ABTB2: variants seen among roughly 807,000 people sequenced by gnomAD.
ABTB2 encodes ankyrin repeat and BTB domain containing 2, also known as ankyrin repeat and BTB/POZ domain-containing protein 2.
ABTB2 carries 56 observed loss-of-function variants against 104.1 expected under a neutral mutation model. That is an observed-to-expected ratio of 0.54 (90% confidence interval 0.43 to 0.67). ABTB2 has a LOEUF of 0.67. Among genes scored for constraint, ABTB2 ranks in the 30% least tolerant of loss-of-function variants. The pLI, the probability that ABTB2 is intolerant of heterozygous loss-of-function variation, is 0.00. For missense variants in ABTB2, 1,279 were observed against 1,407.7 expected (o/e 0.91, Z 1.46); for synonymous variants, 606 against 608.2 (o/e 1.00, Z 0.05).
intron 1 of ABTB2, among the ~76,000 whole-genome samples, chr11:34,284,476 C>T (rs528242057): frequency 2.0e-5 from 3 of 152,192 alleles, no homozygotes; most frequent in Non-Finnish European, 2.9e-5. Context: ...GCAGGCAGCA[C>T]CAAAGCTTCT....
intron 1 of ABTB2, among the ~76,000 whole-genome samples, chr11:34,291,088 G>A (rs1854561269): frequency 6.6e-6 from 1 of 152,222 alleles, no homozygotes; most frequent in Non-Finnish European, 1.5e-5. Flanking sequence ...GCACATATGG[G>A]GGAATGGGGT....
At chr11:34,276,133 C>A (rs952377227) in intron 1 of ABTB2, among the ~76,000 whole-genome samples, 5 of 151,508 alleles carry the variant, frequency 3.3e-5, no homozygotes, top group South Asian at 2.1e-4. Flanking sequence ...TTAGGGGGGA[C>A]TTCTAATGAT....
chr11:34,284,397 C>T (rs960977740), intron 1 of ABTB2, among the ~76,000 whole-genome samples: 1 of 152,222 alleles, frequency 6.6e-6, no homozygotes, highest in Non-Finnish European at 1.5e-5. Flanking sequence ...GAAGGATTGG[C>T]CCCAATGTCT....
intron 1 of ABTB2, among the ~76,000 whole-genome samples, chr11:34,209,353 T>C (rs1345155080): frequency 2.1e-5 from 3 of 143,310 alleles, no homozygotes; most frequent in Non-Finnish European, 4.7e-5. Flanking sequence ...AAAAAAAAAC[T>C]TTTTTTTTCC....
At chr11:34,274,581 G>A (rs918553069) in intron 1 of ABTB2, among the ~76,000 whole-genome samples, 25 of 107,662 alleles carry the variant, frequency 2.3e-4, no homozygotes, top group South Asian at 1.1e-3. Flanking sequence ...ACACACACAC[G>A]CGTGTGTGTG....
chr11:34,277,987 T>C (rs1375052555), intron 1 of ABTB2, among the ~76,000 whole-genome samples: 1 of 151,288 alleles, frequency 6.6e-6, no homozygotes, highest in African/African-American at 2.4e-5. Flanking sequence ...GTATTTTTAG[T>C]AGAGACAGGG....
At chr11:34,277,914 C>T (rs1854404030) in intron 1 of ABTB2, among the ~76,000 whole-genome samples, 2 of 146,450 alleles carry the variant, frequency 1.4e-5, no homozygotes. Context: ...AAGCGATTGT[C>T]CTGCCTCAGC....
intron 1 of ABTB2, among the ~76,000 whole-genome samples, chr11:34,345,223 A>G (rs970735110): frequency 2.0e-5 from 3 of 151,726 alleles, no homozygotes; most frequent in African/African-American, 7.3e-5. Context: ...CTCCTGCTAC[A>G]CTCGCCCCAG....
intron 1 of ABTB2, 144 bp from the exon 2 acceptor site, chr11:34,204,834 G>A: frequency 4.2e-6 from 4 of 948,586 alleles, no homozygotes; most frequent in Non-Finnish European, 6.1e-6. Context: ...TGAGCCTTGA[G>A]GACTTGAGAA....
chr11:34,197,806 T>C (rs577255815), intron 2 of ABTB2, among the ~76,000 whole-genome samples: 4 of 152,318 alleles, frequency 2.6e-5, no homozygotes, highest in Admixed American at 2.6e-4. Flanking sequence ...ATTTGGTTTC[T>C]TTTTTGACAT....
chr11:34,232,711 C>T (rs1853788757), intron 1 of ABTB2, among the ~76,000 whole-genome samples: 1 of 151,932 alleles, frequency 6.6e-6, no homozygotes, highest in Admixed American at 6.6e-5. Flanking sequence ...ATGGTGGCTC[C>T]CACTTGTAAT....
chr11:34,201,158 G>C (rs1853330930), intron 2 of ABTB2, among the ~76,000 whole-genome samples: 2 of 152,114 alleles, frequency 1.3e-5, no homozygotes. Flanking sequence ...CTCAGTTTAA[G>C]CATGGCAGGG....
intron 3 of ABTB2, among the ~76,000 whole-genome samples, chr11:34,184,089 G>A (rs1390075703): frequency 2.0e-5 from 3 of 150,752 alleles, no homozygotes; most frequent in African/African-American, 7.3e-5. Context: ...TGTAGAGACA[G>A]GTCTATGTTG....
At chr11:34,349,798 C>A (rs927157259) in intron 1 of ABTB2, among the ~76,000 whole-genome samples, 1 of 152,182 alleles carries the variant, frequency 6.6e-6, no homozygotes, top group South Asian at 2.1e-4. Flanking sequence ...CCCAAGACAA[C>A]CTCATGACAA....
chr11:34,270,629 C>G (rs1267070474), intron 1 of ABTB2, among the ~76,000 whole-genome samples: 1 of 152,176 alleles, frequency 6.6e-6, no homozygotes, highest in Non-Finnish European at 1.5e-5. Context: ...CGTGAGCCAC[C>G]GTGCCCAGCC....
chr11:34,315,785 A>AC (rs1201993756), intron 1 of ABTB2, among the ~76,000 whole-genome samples: 3 of 151,886 alleles, frequency 2.0e-5, no homozygotes, highest in Non-Finnish European at 2.9e-5. Context: ...ACGAGCAGCC[A>AC]CCCCCCAGGT....
chr11:34,317,560 T>C (rs926340524), intron 1 of ABTB2, among the ~76,000 whole-genome samples: 3 of 151,938 alleles, frequency 2.0e-5, no homozygotes, highest in African/African-American at 7.3e-5. Context: ...ATCGCTTCAG[T>C]ATAGGAGTTC....
At chr11:34,254,357 A>G (rs1854094116) in intron 1 of ABTB2, among the ~76,000 whole-genome samples, 1 of 151,200 alleles carries the variant, frequency 6.6e-6, no homozygotes, top group Non-Finnish European at 1.5e-5. Context: ...AAGCGATCCT[A>G]CCACCTCAGC....
At chr11:34,270,969 G>C (rs1201791510) in intron 1 of ABTB2, among the ~76,000 whole-genome samples, 2 of 152,138 alleles carry the variant, frequency 1.3e-5, no homozygotes, top group African/African-American at 4.8e-5. Context: ...ACCTAAAGTT[G>C]ATTCTCTTTC....
Sources: allele counts gnomAD v4.1 joint callset (sites outside exome capture counted in the v4.1 genomes callset), GRCh38; gene constraint gnomAD v4.1.1; transcripts MANE v1.5; gene names NCBI Gene and HGNC (gene_info 2026-07-23, HGNC 2026-07-21).